Variants in MAGI1 observed in about 807,000 individuals in gnomAD.
The protein encoded by MAGI1 is membrane associated guanylate kinase, WW and PDZ domain containing 1, also known as membrane-associated guanylate kinase, WW and PDZ domain-containing protein 1.
In MAGI1, 58 loss-of-function variants were observed where a neutral mutation model predicts 139.9. The observed-to-expected ratio is 0.41, with a 90% CI of 0.34 to 0.52. The LOEUF (loss-of-function observed/expected upper bound fraction) is 0.52, where lower values mean the gene tolerates loss of function less well. Ranked by LOEUF, MAGI1 falls within the 20% of genes least tolerant of loss-of-function variation. The pLI, the probability that MAGI1 is intolerant of heterozygous loss-of-function variation, is 0.12. For missense variants in MAGI1, 1,874 were observed against 1,901.6 expected (o/e 0.99, Z 0.27); for synonymous variants, 812 against 737.9 (o/e 1.10, Z -1.63).
intron 17 of MAGI1, among the ~76,000 whole-genome samples, chr3:65,377,867 G>C (rs957146451): frequency 1.3e-5 from 2 of 152,144 alleles, no homozygotes; most frequent in Non-Finnish European, 2.9e-5. Flanking sequence ...TAAAACTTAC[G>C]GGGAGACAGC....
At chr3:65,855,003 G>C (rs930455712) in intron 1 of MAGI1, among the ~76,000 whole-genome samples, 1 of 152,204 alleles carries the variant, frequency 6.6e-6, no homozygotes, top group Non-Finnish European at 1.5e-5. Flanking sequence ...TGGGTATTAT[G>C]CAAGAGGGGA....
chr3:65,379,851 C>T (rs539784505), intron 16 of MAGI1, among the ~76,000 whole-genome samples: 2 of 152,338 alleles, frequency 1.3e-5, no homozygotes, highest in Admixed American at 1.3e-4. Flanking sequence ...AAGTCTGCAG[C>T]AAGATCGGCC....
At chr3:65,413,853 T>G (rs1013238737) in intron 12 of MAGI1, among the ~76,000 whole-genome samples, 11 of 152,180 alleles carry the variant, frequency 7.2e-5, no homozygotes, top group Admixed American at 5.9e-4. Flanking sequence ...ACATTGGAGA[T>G]GCAGGAAAAT....
chr3:65,618,822 C>T (rs1397111381), intron 2 of MAGI1, among the ~76,000 whole-genome samples: 1 of 152,022 alleles, frequency 6.6e-6, no homozygotes, highest in African/African-American at 2.4e-5. Context: ...ACTGAAGGGT[C>T]AACGAGATTC....
At chr3:65,799,787 T>G (rs187961871) in intron 1 of MAGI1, among the ~76,000 whole-genome samples, 44 of 152,318 alleles carry the variant, frequency 2.9e-4, no homozygotes, top group Admixed American at 2.6e-3. Context: ...AAATATTTAT[T>G]TGGGCTGATG....
At chr3:65,692,451 C>A (rs2088764190) in intron 1 of MAGI1, among the ~76,000 whole-genome samples, 1 of 152,170 alleles carries the variant, frequency 6.6e-6, no homozygotes, top group South Asian at 2.1e-4. Flanking sequence ...AGTCCTAGCC[C>A]TGAGTCCCTC....
chr3:65,975,680 AGAT>A (rs1425088646), intron 1 of MAGI1, among the ~76,000 whole-genome samples: 1 of 152,170 alleles, frequency 6.6e-6, no homozygotes, highest in Non-Finnish European at 1.5e-5. Flanking sequence ...TAATAAAGAA[AGAT>A]GATTTTTGCA....
At chr3:65,661,745 GTTTTTTTT>G (rs11369893) in intron 1 of MAGI1, among the ~76,000 whole-genome samples, 4 of 93,912 alleles carry the variant, frequency 4.3e-5, no homozygotes, top group African/African-American at 1.7e-4. Context: ...GTTTTTTTCT[GTTTTTTTT>G]TTTTTTTTTT....
At chr3:65,952,510 T>C (rs1431292984) in intron 1 of MAGI1, among the ~76,000 whole-genome samples, 2 of 152,134 alleles carry the variant, frequency 1.3e-5, no homozygotes, top group African/African-American at 2.4e-5. Flanking sequence ...TTAGAATATT[T>C]ACCAACCAGA....
intron 1 of MAGI1, among the ~76,000 whole-genome samples, chr3:65,630,844 C>G (rs1036011307): frequency 4.6e-5 from 7 of 152,124 alleles, no homozygotes; most frequent in African/African-American, 1.7e-4. Flanking sequence ...CCACCTGTAC[C>G]CCAAACACTA....
chr3:66,003,563 T>C (rs2066865094), intron 1 of MAGI1, among the ~76,000 whole-genome samples: 1 of 152,136 alleles, frequency 6.6e-6, no homozygotes, highest in Non-Finnish European at 1.5e-5. Flanking sequence ...GTTGAAGAGA[T>C]TCTCCTGCCT....
chr3:65,731,982 G>A (rs972935392), intron 1 of MAGI1, among the ~76,000 whole-genome samples: 1 of 152,174 alleles, frequency 6.6e-6, no homozygotes, highest in African/African-American at 2.4e-5. Flanking sequence ...CTGGGATACT[G>A]AAATGTCGCA....
chr3:65,981,387 T>A (rs1002174241), intron 1 of MAGI1, among the ~76,000 whole-genome samples: 3 of 152,168 alleles, frequency 2.0e-5, no homozygotes, highest in Non-Finnish European at 4.4e-5. Flanking sequence ...AATATGACCA[T>A]TAAGCATAAC....
chr3:65,470,092 A>T, intron 5 of MAGI1, 191 bp downstream of exon 5: 1 of 493,608 alleles, frequency 2.0e-6, no homozygotes, highest in South Asian at 3.1e-5. Flanking sequence ...TGCTTCCTCA[A>T]ACTGTTGAGA....
intron 1 of MAGI1, among the ~76,000 whole-genome samples, chr3:65,712,464 A>G (rs1024540270): frequency 1.3e-5 from 2 of 151,876 alleles, no homozygotes; most frequent in African/African-American, 4.8e-5. Flanking sequence ...AGAAAAAAAA[A>G]AAAAAAAAGC....
chr3:65,490,779 G>A (rs1033484314), intron 3 of MAGI1, among the ~76,000 whole-genome samples: 20 of 146,692 alleles, frequency 1.4e-4, no homozygotes, highest in Middle Eastern at 3.4e-3. Context: ...GGGAGGGGGA[G>A]GGTGCAGTGA....
intron 14 of MAGI1, among the ~76,000 whole-genome samples, chr3:65,385,560 G>A (rs1257258635): frequency 1.3e-5 from 2 of 152,176 alleles, no homozygotes; most frequent in Non-Finnish European, 2.9e-5. Flanking sequence ...TCCCTTTTTA[G>A]TGATTCACCC....
chr3:65,662,691 T>C (rs140516279), intron 1 of MAGI1, among the ~76,000 whole-genome samples: 4 of 152,246 alleles, frequency 2.6e-5, no homozygotes, highest in Admixed American at 6.5e-5. Flanking sequence ...TCATCTCACA[T>C]AGTCACCTCT....
At chr3:65,683,389 A>G (rs1287550257) in intron 1 of MAGI1, among the ~76,000 whole-genome samples, 1 of 151,960 alleles carries the variant, frequency 6.6e-6, no homozygotes, top group Non-Finnish European at 1.5e-5. Context: ...GTGCACGTAC[A>G]GGGGTAGGGA....
Sources: allele counts gnomAD v4.1 joint callset (sites outside exome capture counted in the v4.1 genomes callset), GRCh38; gene constraint gnomAD v4.1.1; transcripts MANE v1.5; gene names NCBI Gene and HGNC (gene_info 2026-07-23, HGNC 2026-07-21).